GDA: variants seen among roughly 807,000 people sequenced by gnomAD.
GDA encodes the protein cytoplasmic PSD-95 interactor.
GDA carries 18 observed loss-of-function variants against 59.6 expected under a neutral mutation model. The observed-to-expected ratio is 0.30, with a 90% CI of 0.21 to 0.45. The LOEUF (loss-of-function observed/expected upper bound fraction) is 0.45, where lower values mean the gene tolerates loss of function less well. GDA is among the 20% of genes least tolerant of loss of function. GDA has a pLI of 1.00. For missense variants in GDA, 427 were observed against 552.3 expected, an observed-to-expected ratio of 0.77 and a Z score of 2.27; for synonymous variants, 201 against 201.1, an observed-to-expected ratio of 1.00 and a Z score of 0.00.
At chr9:72,230,594 C>T (rs1017583134) in intron 9 of GDA, among the ~76,000 whole-genome samples, 1 of 151,926 alleles carries the variant, frequency 6.6e-6, no homozygotes, top group African/African-American at 2.4e-5. Context: ...CCTACTTTCT[C>T]TGTCTTCAGA....
chr9:72,252,320 A>G (rs1017262725), downstream of GDA: 1 of 152,498 alleles, frequency 6.6e-6, no homozygotes, highest in Non-Finnish European at 1.5e-5. Context: ...TTCTTTTAGC[A>G]TGAATTTAAA....
downstream of GDA, among the ~76,000 whole-genome samples, chr9:72,255,623 A>G (rs1840865922): frequency 6.6e-6 from 1 of 152,216 alleles, no homozygotes; most frequent in African/African-American, 2.4e-5. Flanking sequence ...ATGAAAGATG[A>G]ATTGGCAACT....
upstream of GDA, among the ~76,000 whole-genome samples, chr9:72,145,120 G>A (rs1162581663): frequency 6.6e-6 from 1 of 151,914 alleles, no homozygotes; most frequent in African/African-American, 2.4e-5. Flanking sequence ...AGTTATTTTC[G>A]ATAGCCCATT....
chr9:72,146,070 A>G (rs1375148934), upstream of GDA, among the ~76,000 whole-genome samples: 1 of 150,982 alleles, frequency 6.6e-6, no homozygotes, highest in African/African-American at 2.4e-5. Context: ...CACACCCACA[A>G]ACTCAGGGGA....
chr9:72,218,833 G>A (rs1046147863), intron 5 of GDA, among the ~76,000 whole-genome samples: 7 of 152,210 alleles, frequency 4.6e-5, no homozygotes, highest in African/African-American at 1.7e-4. Context: ...AACAACCGTA[G>A]AGCATAATAT....
upstream of GDA, among the ~76,000 whole-genome samples, chr9:72,146,255 G>A (rs1027034390): frequency 1.3e-5 from 2 of 152,110 alleles, no homozygotes; most frequent in African/African-American, 4.8e-5. Flanking sequence ...ATATGGGAGA[G>A]TGGAGGTAGC....
intron 2 of GDA, among the ~76,000 whole-genome samples, chr9:72,197,996 G>A (rs1168025980): frequency 1.3e-5 from 2 of 152,172 alleles, no homozygotes; most frequent in Admixed American, 6.5e-5. Flanking sequence ...ATTAGGGTGA[G>A]GGGAGTGAGG....
At position 72,210,575 on chromosome 9, in the gene GDA, C is replaced by A. The variant is rs73650309; in HGVS notation, c.385-112C>A. 2.2e-3 allele frequency: 1,456 copies of A among 652,870 alleles called. 21 individuals carry two copies. In the African/African-American group the frequency reaches 0.023, roughly 11 times the overall value. The allele number at this position is 652,870 out of a possible 1,614,324, so 40.4% of individuals were successfully genotyped here. ...CTGTACTCTACATCAAGATGGCATA[C>A]CTTTAAATAAAAACATTTTAAAATT... On this transcript the variant is annotated intron_variant, in intron 3 of 13. Transcript: ENST00000358399.
chr9:72,156,205 T>C (rs1376457571), intron 1 of GDA, among the ~76,000 whole-genome samples: 1 of 152,176 alleles, frequency 6.6e-6, no homozygotes, highest in East Asian at 1.9e-4. Context: ...AAAAGCTTCT[T>C]GAAGGAAGTA....
intron 5 of GDA, among the ~76,000 whole-genome samples, chr9:72,215,630 G>A (rs1190731528): frequency 6.6e-6 from 1 of 152,068 alleles, no homozygotes; most frequent in African/African-American, 2.4e-5. Flanking sequence ...AGGGAATAGG[G>A]CCTCACTCTA....
chr9:72,224,275 C>T (rs779150741), intron 7 of GDA, among the ~76,000 whole-genome samples: 5 of 152,122 alleles, frequency 3.3e-5, no homozygotes, highest in Admixed American at 6.6e-5. Context: ...CCAAATGACT[C>T]GAATCATCAG....
chr9:72,179,174 C>T (rs1830876954), intron 1 of GDA, among the ~76,000 whole-genome samples: 1 of 152,194 alleles, frequency 6.6e-6, no homozygotes, highest in South Asian at 2.1e-4. Flanking sequence ...CGTTTTCGAG[C>T]TTGTCCAACA....
At chr9:72,227,293 T>C (rs551106306) in intron 8 of GDA, among the ~76,000 whole-genome samples, 2 of 152,222 alleles carry the variant, frequency 1.3e-5, no homozygotes, top group Admixed American at 1.3e-4. Flanking sequence ...GTGTGTGCAG[T>C]GCCTGCTTTC....
At chr9:72,174,744 TTA>T (rs146059487) in intron 1 of GDA, among the ~76,000 whole-genome samples, 191 of 148,632 alleles carry the variant, frequency 1.3e-3, no homozygotes, top group East Asian at 2.6e-3. Context: ...ACTGTTGAGG[TTA>T]TATATATATA....
intron 1 of GDA, among the ~76,000 whole-genome samples, chr9:72,185,729 C>G (rs2131140133): frequency 6.6e-6 from 1 of 152,320 alleles, no homozygotes; most frequent in South Asian, 2.1e-4. Context: ...TGTTCCATAG[C>G]AACAAGCCTC....
At position 72,149,538 on chromosome 9, in the gene GDA, C is replaced by T. The variant is rs140517546; in HGVS notation, c.-22C>T. The T allele has an allele frequency of 3.7e-6, 6 of 1,607,330 alleles. No individual in the cohort carries two copies. Among genetic ancestry groups the T allele is most frequent in the Admixed American group, 1.7e-5 (1 of 59,850 alleles). On this transcript the variant is annotated 5_prime_UTR_variant, in exon 1 of 14. Transcript: ENST00000358399. ...GTGCGCCCTCCTCGACCAGCAGACC[C>T]GCGCTGCGCTCCGCCGCTGACATGT...
At chr9:72,129,797 T>TA (rs1012393397) in intron 1 of GDA, among the ~76,000 whole-genome samples, 2 of 152,084 alleles carry the variant, frequency 1.3e-5, no homozygotes, top group African/African-American at 4.8e-5. Flanking sequence ...TATGAGAAGC[T>TA]AAACATTAAC....
At chr9:72,155,409 T>C (rs1310272541) in intron 1 of GDA, among the ~76,000 whole-genome samples, 3 of 152,138 alleles carry the variant, frequency 2.0e-5, no homozygotes, top group African/African-American at 7.2e-5. Flanking sequence ...AAGATGAGAT[T>C]TGGATGGAGG....
intron 7 of GDA, among the ~76,000 whole-genome samples, chr9:72,225,329 G>C (rs1837416556): frequency 6.6e-6 from 1 of 152,090 alleles, no homozygotes; most frequent in Non-Finnish European, 1.5e-5. Flanking sequence ...CTAGGGTCCT[G>C]ACTATCTTCA....
Sources: allele counts gnomAD v4.1 joint callset (sites outside exome capture counted in the v4.1 genomes callset), GRCh38; gene constraint gnomAD v4.1.1; transcripts MANE v1.5; gene names NCBI Gene and HGNC (gene_info 2026-07-23, HGNC 2026-07-21).